The following KCNJ1 variants were observed in gnomAD, a reference collection of about 807,000 sequenced individuals.
The protein encoded by KCNJ1 is potassium inwardly rectifying channel subfamily J member 1.
A neutral mutation model predicts 21.9 loss-of-function variants in KCNJ1; 24 were observed. The observed-to-expected ratio is 1.10, with a 90% CI of 0.79 to 1.54. The LOEUF (loss-of-function observed/expected upper bound fraction) is 1.54. KCNJ1 is among the 40% of genes most tolerant of loss of function. KCNJ1 has a pLI of 0.00. For synonymous variants in KCNJ1, 152 were observed against 160.9 expected (o/e 0.94, Z 0.42); for missense variants, 457 against 455.4 (o/e 1.00, Z -0.03).
intron 1 of KCNJ1, among the ~76,000 whole-genome samples, chr11:128,858,800 C>CT (rs1164081620): frequency 6.6e-6 from 1 of 152,178 alleles, no homozygotes; most frequent in Non-Finnish European, 1.5e-5. Context: ...GTTCACAGAG[C>CT]TAGAAGGTTA....
chr11:128,854,617 C>T lies in KCNJ1; in HGVS notation c.-191-3727G>A, dbSNP rs7925884. On this transcript the variant is annotated intron_variant, in intron 1 of 2. Transcript: ENST00000392666. The stretch of plus-strand genomic sequence containing the variant: ...TGTTGAGTCTACATTCAAGGACTCA[C>T]GGGAGAATGACAGAAACCTCCCACT... 9.9e-3 allele frequency among the ~76,000 whole-genome samples: 1,510 copies of T among 152,254 alleles called. 31 individuals carry two copies. Among genetic ancestry groups the T allele is most frequent in the African/African-American group, 0.035 (1,449 of 41,528 alleles).
intron 1 of KCNJ1, among the ~76,000 whole-genome samples, chr11:128,862,154 A>T (rs1943726545): frequency 6.6e-6 from 1 of 152,072 alleles, no homozygotes; most frequent in South Asian, 2.1e-4. Context: ...TAGAAATCCA[A>T]ATCTGTAAAC....
intron 1 of KCNJ1, among the ~76,000 whole-genome samples, chr11:128,855,073 T>C (rs999332025): frequency 6.6e-6 from 1 of 152,202 alleles, no homozygotes; most frequent in Non-Finnish European, 1.5e-5. Flanking sequence ...AATTTCTCAA[T>C]GTAATCGATT....
At position 128,850,907 on chromosome 11, in the gene KCNJ1, C is replaced by T; in HGVS notation, c.-191-17G>A. ...AGAAGAAACCTGGTAAAATACAACA[C>T]ATATGGCTACTGTCTGGAGACAGAG... On this transcript the variant is annotated splice_polypyrimidine_tract_variant and intron_variant, in intron 1 of 2. Transcript: ENST00000392666. 1.0e-6 allele frequency: 1 copy of T among 983,788 alleles called. No individual in the cohort carries two copies. Among genetic ancestry groups the T allele is most frequent in the Non-Finnish European group, 1.2e-6 (1 of 828,396 alleles). The allele number at this position is 983,788 out of a possible 1,614,324, so 60.9% of individuals were successfully genotyped here.
intron 2 of KCNJ1, chr11:128,842,492 A>G: frequency 6.2e-7 from 1 of 1,610,970 alleles, no homozygotes; most frequent in South Asian, 1.1e-5. Flanking sequence ...ACTCAGCCTA[A>G]TTTATTGTAG....
At chr11:128,851,769 G>A (rs1433847156) in intron 1 of KCNJ1, among the ~76,000 whole-genome samples, 1 of 152,190 alleles carries the variant, frequency 6.6e-6, no homozygotes, top group East Asian at 1.9e-4. Context: ...CATATAGGAT[G>A]CCCAACCTTG....
chr11:128,841,578 T>C (rs1943282239), intron 2 of KCNJ1, among the ~76,000 whole-genome samples: 1 of 152,202 alleles, frequency 6.6e-6, no homozygotes. Context: ...GTATTTTTCA[T>C]TAAATGCAAA....
At chr11:128,849,992 C>G (rs2135949798) in intron 2 of KCNJ1, among the ~76,000 whole-genome samples, 1 of 152,264 alleles carries the variant, frequency 6.6e-6, no homozygotes, top group African/African-American at 2.4e-5. Context: ...GGGCAAAGCT[C>G]TTGACCTTGG....
Position 128,840,025 on chromosome 11 carries a change from C to T in KCNJ1, c.219G>A (p.Trp73Ter), listed in dbSNP as rs1295068117. 1.9e-6 allele frequency: 3 copies of T among 1,613,862 alleles called. No individual in the cohort carries two copies. The highest frequency in any genetic ancestry group is 2.5e-6 in the Non-Finnish European group (3 of 1,179,956). Residue 73 changes from tryptophan to a stop codon, truncating the protein, a stop_gained, in exon 3 of 3, where the codon TGG (tryptophan) becomes TGA (stop). Transcript: ENST00000392666. LOFTEE classifies it high-confidence loss of function. The part of the protein sequence containing the change: ...TIFITAFLGS[W>*]FFFGLLWYAV... ...CATACCACAGGAGACCAAAGAAAAA[C>T]CAACTCCCCAAGAAGGCTGTGATGA...
At chr11:128,853,280 C>T (rs1349549930) in intron 1 of KCNJ1, among the ~76,000 whole-genome samples, 2 of 152,148 alleles carry the variant, frequency 1.3e-5, no homozygotes, top group East Asian at 3.9e-4. Context: ...TGTCCATCAG[C>T]TGATGAATCA....
chr11:128,863,792 C>T (rs574369681), intron 1 of KCNJ1, among the ~76,000 whole-genome samples: 1 of 152,238 alleles, frequency 6.6e-6, no homozygotes, highest in South Asian at 2.1e-4. Context: ...AGTTTTGAAG[C>T]GACCTGTTCT....
chr11:128,862,810 C>T (rs1376817041), intron 1 of KCNJ1, among the ~76,000 whole-genome samples: 1 of 152,238 alleles, frequency 6.6e-6, no homozygotes, highest in Admixed American at 6.5e-5. Flanking sequence ...CAGTCCAACA[C>T]TTCCCTTAAC....
chr11:128,850,123 G>A (rs1282884462), intron 2 of KCNJ1, among the ~76,000 whole-genome samples: 2 of 152,032 alleles, frequency 1.3e-5, no homozygotes, highest in Non-Finnish European at 1.5e-5. Context: ...ACCTCTCTGG[G>A]CCTACATCAC....
chr11:128,858,654 G>A (rs368904748), intron 1 of KCNJ1, among the ~76,000 whole-genome samples: 9 of 152,348 alleles, frequency 5.9e-5, no homozygotes, highest in African/African-American at 2.2e-4. Context: ...AGATCTCACT[G>A]TGTTCCAGGC....
chr11:128,854,353 CA>C (rs953838438), intron 1 of KCNJ1, among the ~76,000 whole-genome samples: 1 of 152,160 alleles, frequency 6.6e-6, no homozygotes, highest in Non-Finnish European at 1.5e-5. Context: ...CTGGAGTCAG[CA>C]GCGCGGATGT....
At chr11:128,866,944 G>A (rs908071571) in intron 1 of KCNJ1, among the ~76,000 whole-genome samples, 7 of 152,044 alleles carry the variant, frequency 4.6e-5, no homozygotes, top group Non-Finnish European at 8.8e-5. Context: ...CCAGCCCCAG[G>A]GCTGCGGAGT....
intron 2 of KCNJ1, among the ~76,000 whole-genome samples, chr11:128,849,249 T>A (rs559245074): frequency 2.6e-5 from 4 of 152,234 alleles, no homozygotes; most frequent in African/African-American, 9.6e-5. Context: ...TCTTCCCAAC[T>A]GACAAGTCTT....
At chr11:128,857,019 A>G (rs1361552349) in intron 1 of KCNJ1, among the ~76,000 whole-genome samples, 1 of 151,940 alleles carries the variant, frequency 6.6e-6, no homozygotes, top group Non-Finnish European at 1.5e-5. Context: ...AAGGCCCCAT[A>G]TAGCCAGGAC....
chr11:128,841,440 A>G (rs1565523373), intron 2 of KCNJ1, among the ~76,000 whole-genome samples: 1 of 152,168 alleles, frequency 6.6e-6, no homozygotes, highest in Admixed American at 6.5e-5. Flanking sequence ...TGTACAGCAA[A>G]ATGGTGAAGG....
Sources: allele counts gnomAD v4.1 joint callset (sites outside exome capture counted in the v4.1 genomes callset), GRCh38; gene constraint gnomAD v4.1.1; transcripts MANE v1.5; gene names NCBI Gene and HGNC (gene_info 2026-07-23, HGNC 2026-07-21).